METTL15: variants seen among roughly 807,000 people sequenced by gnomAD.
The protein encoded by METTL15 is methyltransferase 15, mitochondrial 12S rRNA N4-cytidine.
A neutral mutation model predicts 38.3 loss-of-function variants in METTL15; 34 were observed. The ratio of observed to expected loss-of-function variants is 0.89; its 90% CI spans 0.68 to 1.18. The LOEUF (loss-of-function observed/expected upper bound fraction) is 1.18, where lower values mean the gene tolerates loss of function less well. Ranked by LOEUF, METTL15 falls within the 50% of genes most tolerant of loss-of-function variation. The pLI is 0.00. For missense variants in METTL15, 438 were observed against 498.4 expected (o/e 0.88, Z 1.15); for synonymous variants, 162 against 170.9 (o/e 0.95, Z 0.41).
rs574328559 is a variant in METTL15 at position 28,526,168 on chromosome 11, G to A, written c.*425-310G>A. ...CCCAGTTCCCACCTGCGCCTCTCCCGCCACACCTCCTGGCAAGCTGAGGGA... is the reference window on the plus strand; with the variant it reads ...CCCAGTTCCCACCTGCGCCTCTCCCACCACACCTCCTGGCAAGCTGAGGGA... On this transcript the variant is annotated intron_variant and NMD_transcript_variant, in intron 6 of 7. Coordinates refer to the METTL15 transcript ENST00000532947. 1.4e-4 allele frequency among the ~76,000 whole-genome samples: 22 copies of A among 152,200 alleles called. No homozygotes were observed. The South Asian group carries it at 2.1e-3, about 14-fold the overall frequency.
chr11:28,124,751 T>C (rs572225254), intron 3 of METTL15, among the ~76,000 whole-genome samples: 30 of 152,250 alleles, frequency 2.0e-4, no homozygotes, highest in African/African-American at 6.5e-4. Flanking sequence ...GTCTCTTGTC[T>C]ATGGCTTTAA....
At chr11:28,247,367 A>T (rs1053203569) in intron 4 of METTL15, among the ~76,000 whole-genome samples, 5 of 152,142 alleles carry the variant, frequency 3.3e-5, no homozygotes, top group African/African-American at 1.2e-4. Context: ...GAAATTGTAG[A>T]TATTGCCACA....
At chr11:28,292,895 T>TTTC (rs911253811) in intron 5 of METTL15, among the ~76,000 whole-genome samples, 1 of 152,212 alleles carries the variant, frequency 6.6e-6, no homozygotes, top group African/African-American at 2.4e-5. Flanking sequence ...TGCCCACTTG[T>TTTC]TGAAGGGGTT....
chr11:28,187,658 A>T (rs892203912), intron 3 of METTL15, among the ~76,000 whole-genome samples: 2 of 150,816 alleles, frequency 1.3e-5, no homozygotes, highest in African/African-American at 4.8e-5. Context: ...AAATATATGT[A>T]TGCATAAATG....
rs192616215 is a variant in METTL15 at position 28,495,986 on chromosome 11, C to T, written c.*425-30492C>T. ...CAGATATCCTGAATGCATGGGGGTC[C>T]GTTTCAAACATTTTTTTAGTGTTAC... On this transcript the variant is annotated intron_variant and NMD_transcript_variant, in intron 6 of 7. Transcript: ENST00000532947. 3.0e-3 allele frequency among the ~76,000 whole-genome samples: 457 copies of T among 152,200 alleles called. 1 individual carries two copies. The highest frequency in any genetic ancestry group is 5.1e-3 in the Non-Finnish European group (346 of 68,014).
chr11:28,143,174 T>A (rs922461542), intron 3 of METTL15, among the ~76,000 whole-genome samples: 2 of 151,972 alleles, frequency 1.3e-5, no homozygotes, highest in Non-Finnish European at 2.9e-5. Flanking sequence ...CAGAATAGGG[T>A]TTCAAGAGTC....
chr11:28,168,204 T>C (rs1850722910), intron 3 of METTL15, among the ~76,000 whole-genome samples: 1 of 152,048 alleles, frequency 6.6e-6, no homozygotes, highest in South Asian at 2.1e-4. Flanking sequence ...TGGATGTTTT[T>C]CTTTTAGAAA....
At chr11:28,303,330 G>C (rs1420283975) in intron 6 of METTL15, among the ~76,000 whole-genome samples, 1 of 152,074 alleles carries the variant, frequency 6.6e-6, no homozygotes, top group Non-Finnish European at 1.5e-5. Context: ...ATTTTCTTTA[G>C]TAAACATAAC....
intron 4 of METTL15, among the ~76,000 whole-genome samples, chr11:28,272,500 T>C (rs1445999982): frequency 6.6e-6 from 1 of 152,038 alleles, no homozygotes; most frequent in Non-Finnish European, 1.5e-5. Context: ...CTCTCACTCA[T>C]AAGTGGGAGT....
At chr11:28,149,728 A>G (rs1455225351) in intron 3 of METTL15, among the ~76,000 whole-genome samples, 4 of 152,052 alleles carry the variant, frequency 2.6e-5, no homozygotes, top group East Asian at 3.9e-4. Flanking sequence ...CCGAACTGGT[A>G]TATGACTTTG....
chr11:28,136,574 G>A lies in METTL15; in HGVS notation c.270+22970G>A, dbSNP rs558437046. On this transcript the variant is annotated intron_variant, in intron 3 of 6. Coordinates refer to ENST00000407364, the MANE Select transcript of METTL15 (RefSeq NM_001113528.2). ...ATAATAACCTTAATTATGATTGATAGCATATACTCAGACATTAGAATGGTA... is the reference window on the plus strand; with the variant it reads ...ATAATAACCTTAATTATGATTGATAACATATACTCAGACATTAGAATGGTA... Among the ~76,000 whole-genome samples, 17 of 152,176 alleles carry A rather than the reference G, an allele frequency of 1.1e-4. No individual in the cohort carries two copies. In the South Asian group the frequency reaches 3.3e-3, roughly 30 times the overall value.
In METTL15 at chr11:28,296,689, G is replaced by A; in HGVS notation, c.600-64G>A. The stretch of plus-strand genomic sequence containing the variant: ...GTCTGACTTTATGTCTCAGTACTCT[G>A]AAGTTTCACGTCTTGTCAATGAGAA... On this transcript the variant is annotated intron_variant, in intron 5 of 6. Transcript: ENST00000407364. The A allele has an allele frequency of 1.9e-6, 3 of 1,563,708 alleles. No individual in the cohort carries two copies. The South Asian group carries it at 3.4e-5, about 18-fold the overall frequency.
chr11:28,378,834 G>T (rs1394973616), intron 5 of METTL15, among the ~76,000 whole-genome samples: 1 of 145,726 alleles, frequency 6.9e-6, no homozygotes, highest in Non-Finnish European at 1.5e-5. Context: ...TAGAATTCAG[G>T]TGAAGCCATC....
intron 4 of METTL15, among the ~76,000 whole-genome samples, chr11:28,359,706 G>A (rs181794627): frequency 5.3e-5 from 8 of 152,154 alleles, no homozygotes; most frequent in East Asian, 3.9e-4. Flanking sequence ...ACACTTGTGC[G>A]TCTTTCTACA....
chr11:28,300,567 G>A (rs1162845844), intron 6 of METTL15, among the ~76,000 whole-genome samples: 1 of 152,114 alleles, frequency 6.6e-6, no homozygotes, highest in African/African-American at 2.4e-5. Context: ...TTGGAACAGA[G>A]CACTTACAAG....
At chr11:28,162,141 G>T (rs1039951372) in intron 3 of METTL15, among the ~76,000 whole-genome samples, 1 of 151,970 alleles carries the variant, frequency 6.6e-6, no homozygotes, top group Non-Finnish European at 1.5e-5. Flanking sequence ...ACACCAAGAC[G>T]TTGCCATAGT....
chr11:28,171,020 A>G (rs1031882116), intron 3 of METTL15, among the ~76,000 whole-genome samples: 5 of 152,040 alleles, frequency 3.3e-5, no homozygotes, highest in African/African-American at 9.7e-5. Flanking sequence ...TGCTTTTTCT[A>G]TCCCATCTCT....
chr11:28,221,632 A>C (rs907650731), intron 4 of METTL15, among the ~76,000 whole-genome samples: 3 of 152,034 alleles, frequency 2.0e-5, no homozygotes, highest in African/African-American at 7.2e-5. Context: ...AGGCACTCTT[A>C]TTTTTAGAAT....
At chr11:28,250,218 T>A (rs970672247) in intron 4 of METTL15, among the ~76,000 whole-genome samples, 1 of 152,048 alleles carries the variant, frequency 6.6e-6, no homozygotes, top group Non-Finnish European at 1.5e-5. Context: ...GAATGATGTA[T>A]TTTCCTTTGG....
Sources: gnomAD v4.1 joint callset for allele counts (sites outside exome capture counted in the v4.1 genomes callset) on GRCh38, gnomAD v4.1.1 for gene constraint, MANE v1.5 for transcripts, NCBI Gene and HGNC (gene_info 2026-07-23, HGNC 2026-07-21) for gene names.